SLC4A4: variants seen among roughly 807,000 people sequenced by gnomAD.
SLC4A4 encodes solute carrier family 4 member 4, also known as electrogenic sodium bicarbonate cotransporter 1.
SLC4A4 carries 27 observed loss-of-function variants against 111.5 expected under a neutral mutation model. The ratio of observed to expected loss-of-function variants is 0.24; its 90% CI spans 0.18 to 0.33. The LOEUF (loss-of-function observed/expected upper bound fraction) is 0.33, where lower values mean the gene tolerates loss of function less well. Among genes scored for constraint, SLC4A4 ranks in the 10% least tolerant of loss-of-function variants. The pLI, the probability that SLC4A4 is intolerant of heterozygous loss-of-function variation, is 1.00. For missense variants in SLC4A4, 909 were observed against 1,315.5 expected, an observed-to-expected ratio of 0.69 and a Z score of 4.78; for synonymous variants, 443 against 463.4, an observed-to-expected ratio of 0.96 and a Z score of 0.57.
At chr4:71,369,792 A>G (rs1731683551) in intron 6 of SLC4A4, among the ~76,000 whole-genome samples, 1 of 152,204 alleles carries the variant, frequency 6.6e-6, no homozygotes, top group Non-Finnish European at 1.5e-5. Context: ...TATATGTGAT[A>G]TAATTTTTTT....
intron 1 of SLC4A4, among the ~76,000 whole-genome samples, chr4:71,201,505 G>A (rs569799539): frequency 1.3e-5 from 2 of 152,210 alleles, no homozygotes; most frequent in Non-Finnish European, 2.9e-5. Context: ...CAAAGACTTC[G>A]TGCCTTATGA....
intron 1 of SLC4A4, among the ~76,000 whole-genome samples, chr4:71,092,341 C>T (rs1294995216): frequency 6.6e-6 from 1 of 152,032 alleles, no homozygotes; most frequent in South Asian, 2.1e-4. Context: ...TTCTATTTTT[C>T]CTACATTTTC....
chr4:71,165,456 G>A (rs1272487892), intron 2 of SLC4A4, among the ~76,000 whole-genome samples: 2 of 152,104 alleles, frequency 1.3e-5, no homozygotes, highest in Non-Finnish European at 2.9e-5. Flanking sequence ...CAGAGGAACA[G>A]AAAACCAAAC....
At position 71,567,766 on chromosome 4, in the gene SLC4A4, T is replaced by A. The variant is rs529365026; in HGVS notation, c.*37-22T>A. 787 of 1,212,976 alleles carry A rather than the reference T, an allele frequency of 6.5e-4. 1 individual carries two copies. Among genetic ancestry groups the A allele is most frequent in the Non-Finnish European group, 8.8e-4 (759 of 862,326 alleles). 75.1% of individuals were successfully genotyped at this position (1,212,976 alleles called of 1,614,324 possible). ...AAGGAAATCTGATTTACTTACTACT[T>A]TTTTTTTTCCTTTTTCTCTAGTCCT... On this transcript the variant is annotated intron_variant, in intron 25 of 25. Coordinates refer to ENST00000264485, the MANE Select transcript of SLC4A4 (RefSeq NM_001098484.3).
chr4:71,181,015 C>A (rs1745273404), intron 2 of SLC4A4, among the ~76,000 whole-genome samples: 1 of 151,958 alleles, frequency 6.6e-6, no homozygotes, highest in Non-Finnish European at 1.5e-5. Flanking sequence ...CATATATATA[C>A]CATGGAATAC....
chr4:71,460,626 G>A (rs1204436054), intron 12 of SLC4A4, among the ~76,000 whole-genome samples: 1 of 152,104 alleles, frequency 6.6e-6, no homozygotes, highest in Non-Finnish European at 1.5e-5. Context: ...AGAAATCACT[G>A]ATTTATTGGC....
chr4:71,289,967 A>G (rs1389665310), intron 3 of SLC4A4, among the ~76,000 whole-genome samples: 3 of 152,232 alleles, frequency 2.0e-5, no homozygotes, highest in South Asian at 2.1e-4. Flanking sequence ...AGCAACATCT[A>G]TGATAGGTTG....
chr4:71,459,348 G>C (rs944384891), intron 12 of SLC4A4, among the ~76,000 whole-genome samples: 1 of 151,880 alleles, frequency 6.6e-6, no homozygotes, highest in Non-Finnish European at 1.5e-5. Flanking sequence ...AAAAAATTAC[G>C]TAGAAGGTAA....
chr4:71,404,838 C>T (rs1406082576), intron 7 of SLC4A4, among the ~76,000 whole-genome samples: 1 of 151,918 alleles, frequency 6.6e-6, no homozygotes, highest in African/African-American at 2.4e-5. Flanking sequence ...CTCTGTTACC[C>T]AGGCTGGAGT....
intron 6 of SLC4A4, among the ~76,000 whole-genome samples, chr4:71,370,549 C>A (rs1295177523): frequency 6.6e-6 from 1 of 152,154 alleles, no homozygotes; most frequent in Non-Finnish European, 1.5e-5. Flanking sequence ...TGACTTTGGG[C>A]AAATTACTCT....
intron 1 of SLC4A4, among the ~76,000 whole-genome samples, chr4:71,208,062 GCCT>G (rs1717888577): frequency 6.6e-6 from 1 of 152,172 alleles, no homozygotes. Flanking sequence ...CTCTGCCTTG[GCCT>G]CCCAAAGTGC....
chr4:71,288,617 T>A (rs1190977045), intron 3 of SLC4A4, among the ~76,000 whole-genome samples: 1 of 152,132 alleles, frequency 6.6e-6, no homozygotes, highest in Non-Finnish European at 1.5e-5. Flanking sequence ...CAGGCTGGTC[T>A]TGTACTCCTG....
intron 2 of SLC4A4, among the ~76,000 whole-genome samples, chr4:71,142,817 CCA>C (rs1744044099): frequency 6.8e-6 from 1 of 146,348 alleles, no homozygotes; most frequent in South Asian, 2.2e-4. Context: ...GGTTTGGATC[CCA>C]TGCCCATGAC....
intron 2 of SLC4A4, among the ~76,000 whole-genome samples, chr4:71,135,508 C>CT (rs1409157869): frequency 1.3e-5 from 2 of 152,008 alleles, no homozygotes; most frequent in Non-Finnish European, 2.9e-5. Flanking sequence ...GTTGGCCAGG[C>CT]TTCTCTCGAA....
At chr4:71,564,171 G>A (rs565603271) in intron 24 of SLC4A4, among the ~76,000 whole-genome samples, 4 of 151,236 alleles carry the variant, frequency 2.6e-5, no homozygotes, top group East Asian at 3.9e-4. Context: ...GTTTTTAATT[G>A]ATTTTTCTTT....
intron 1 of SLC4A4, among the ~76,000 whole-genome samples, chr4:71,078,186 C>CA (rs1741897460): frequency 6.6e-6 from 1 of 152,140 alleles, no homozygotes; most frequent in Admixed American, 6.5e-5. Context: ...CAAAATGCAT[C>CA]AAACCATCTT....
chr4:71,091,346 G>A (rs531000773), intron 1 of SLC4A4, among the ~76,000 whole-genome samples: 129 of 151,360 alleles, frequency 8.5e-4, no homozygotes, highest in Middle Eastern at 3.4e-3. Flanking sequence ...TCCGCATTCC[G>A]GGTTCACGCC....
At chr4:71,329,022 A>AT (rs921630838) in intron 3 of SLC4A4, among the ~76,000 whole-genome samples, 8 of 152,000 alleles carry the variant, frequency 5.3e-5, no homozygotes, top group African/African-American at 1.9e-4. Context: ...GTCTAGTTTT[A>AT]TTTTTCTGCA....
chr4:71,534,201 G>A, intron 17 of SLC4A4, 26 bp from the exon 18 acceptor site: 1 of 1,612,494 alleles, frequency 6.2e-7, no homozygotes, highest in Non-Finnish European at 8.5e-7. Context: ...ATAATTTTCT[G>A]AAAAATGTCA....
Sources: gnomAD v4.1 joint callset for allele counts (sites outside exome capture counted in the v4.1 genomes callset) on GRCh38, gnomAD v4.1.1 for gene constraint, MANE v1.5 for transcripts, NCBI Gene and HGNC (gene_info 2026-07-23, HGNC 2026-07-21) for gene names.